SNX8: variants seen among roughly 807,000 people sequenced by gnomAD.
SNX8 encodes sorting nexin 8.
In SNX8, 25 loss-of-function variants were observed where a neutral mutation model predicts 51.6. The observed-to-expected ratio is 0.48, with a 90% CI of 0.35 to 0.68. SNX8 has a LOEUF of 0.68. Ranked by LOEUF, SNX8 falls within the 30% of genes least tolerant of loss-of-function variation. The pLI, the probability that SNX8 is intolerant of heterozygous loss-of-function variation, is 0.00. For synonymous variants in SNX8, 324 were observed against 277.0 expected (o/e 1.17, Z -1.68); for missense variants, 695 against 624.0 (o/e 1.11, Z -1.21).
At chr7:2,300,432 CAG>C (rs1258218112) in intron 1 of SNX8, among the ~76,000 whole-genome samples, 1 of 152,090 alleles carries the variant, frequency 6.6e-6, no homozygotes, top group Non-Finnish European at 1.5e-5. Flanking sequence ...TTTTTGGAGA[CAG>C]AGTCTTGATC....
In SNX8 at chr7:2,253,889, C is replaced by T. The variant is rs1795108862; in HGVS notation, c.*1167G>A. 6.6e-6 allele frequency: 1 copy of T among 152,244 alleles called. No individual in the cohort carries two copies. Among genetic ancestry groups the T allele is most frequent in the African/African-American group, 2.4e-5 (1 of 41,438 alleles). The allele number at this position is 152,244 out of a possible 1,614,324, so 9.4% of individuals were successfully genotyped here. On this transcript the variant is annotated 3_prime_UTR_variant, in exon 11 of 11. Coordinates refer to ENST00000222990, the MANE Select transcript of SNX8 (RefSeq NM_013321.4). ...GAGGGACCTCGGAAACCCTGGAGCC[C>T]GGCGGGCCTCTTCCAGCACCCCTCC...
intron 1 of SNX8, among the ~76,000 whole-genome samples, chr7:2,332,390 C>A (rs983559337): frequency 3.3e-5 from 5 of 151,960 alleles, no homozygotes; most frequent in African/African-American, 1.2e-4. Context: ...ATGATTTTTC[C>A]ACAGATATTT....
intron 1 of SNX8, among the ~76,000 whole-genome samples, chr7:2,336,654 G>A (rs1778836095): frequency 6.6e-6 from 1 of 152,026 alleles, no homozygotes; most frequent in African/African-American, 2.4e-5. Context: ...GTTGCAGTGA[G>A]CCGAGATTGC....
At chr7:2,277,324 G>A (rs1403435169) in intron 2 of SNX8, among the ~76,000 whole-genome samples, 1 of 152,222 alleles carries the variant, frequency 6.6e-6, no homozygotes, top group African/African-American at 2.4e-5. Context: ...CAGGAGGGCC[G>A]TGTTATTAAA....
intron 1 of SNX8, among the ~76,000 whole-genome samples, chr7:2,342,705 A>C (rs907898697): frequency 6.6e-6 from 1 of 152,276 alleles, no homozygotes; most frequent in East Asian, 1.9e-4. Context: ...GTATCACGTA[A>C]GTGGAGATGA....
chr7:2,329,349 TG>T (rs1481680418), intron 1 of SNX8, among the ~76,000 whole-genome samples: 1 of 152,014 alleles, frequency 6.6e-6, no homozygotes, highest in Non-Finnish European at 1.5e-5. Flanking sequence ...GCCTAATGCT[TG>T]GGAACAAGGC....
rs115417562 is a variant in SNX8 at position 2,298,350 on chromosome 7, G to A, written c.94+15978C>T. On this transcript the variant is annotated intron_variant, in intron 1 of 10. Transcript: ENST00000222990. ...CCCAGGCTCTGAACTTTTCTTTTTCGTTTTATTTTTGGTTTGGGTTGTTTT... is the reference window on the plus strand; with the variant it reads ...CCCAGGCTCTGAACTTTTCTTTTTCATTTTATTTTTGGTTTGGGTTGTTTT... Among the ~76,000 whole-genome samples, 104 of 151,994 alleles carry A rather than the reference G, an allele frequency of 6.8e-4. 1 individual carries two copies. The highest frequency in any genetic ancestry group is 2.2e-3 in the African/African-American group (92 of 41,366).
At chr7:2,334,728 G>C (rs1778794335) in intron 1 of SNX8, among the ~76,000 whole-genome samples, 1 of 151,560 alleles carries the variant, frequency 6.6e-6, no homozygotes, top group Admixed American at 6.6e-5. Context: ...CAATTAGCTG[G>C]GTGTGGTGGC....
intron 1 of SNX8, among the ~76,000 whole-genome samples, chr7:2,294,677 A>C (rs1459446990): frequency 1.3e-5 from 2 of 152,122 alleles, no homozygotes; most frequent in African/African-American, 4.8e-5. Flanking sequence ...CAGGAGCTGG[A>C]GCCGCAGGTC....
At chr7:2,271,478 G>C (rs569904041) in intron 4 of SNX8, among the ~76,000 whole-genome samples, 1 of 152,184 alleles carries the variant, frequency 6.6e-6, no homozygotes, top group Admixed American at 6.5e-5. Context: ...CTGACAAGGA[G>C]GCTCAGCCTG....
chr7:2,304,350 C>T (rs527645465), intron 1 of SNX8, among the ~76,000 whole-genome samples: 1 of 151,080 alleles, frequency 6.6e-6, no homozygotes, highest in Non-Finnish European at 1.5e-5. Context: ...AGAGACCATC[C>T]TGGCTAACAG....
chr7:2,333,583 C>T (rs1258973689), intron 1 of SNX8, among the ~76,000 whole-genome samples: 1 of 152,014 alleles, frequency 6.6e-6, no homozygotes, highest in African/African-American at 2.4e-5. Context: ...GTACATAAAG[C>T]AGCAGCAATC....
chr7:2,265,558 T>C (rs1795444105), intron 5 of SNX8, among the ~76,000 whole-genome samples: 1 of 151,738 alleles, frequency 6.6e-6, no homozygotes, highest in Admixed American at 6.6e-5. Context: ...GGCAGGAGGA[T>C]CACTTGAGCC....
At chr7:2,328,240 CAG>C (rs1051171386) in intron 1 of SNX8, among the ~76,000 whole-genome samples, 2 of 152,008 alleles carry the variant, frequency 1.3e-5, no homozygotes, top group Admixed American at 6.6e-5. Context: ...TTAGTAGAGA[CAG>C]GGGTTTCTCC....
At chr7:2,318,604 G>A (rs915403126), upstream of SNX8, among the ~76,000 whole-genome samples, 2 of 151,782 alleles carry the variant, frequency 1.3e-5, no homozygotes, top group African/African-American at 4.8e-5. Flanking sequence ...GCTGAGGCAG[G>A]AGATTGCTTG....
At chr7:2,267,696 C>A (rs1378500603) in intron 5 of SNX8, among the ~76,000 whole-genome samples, 4 of 149,552 alleles carry the variant, frequency 2.7e-5, no homozygotes, top group Non-Finnish European at 4.5e-5. Flanking sequence ...CCTTGGCCTC[C>A]CAAAGTGCCG....
chr7:2,261,778 C>T (rs1795342548), intron 7 of SNX8, among the ~76,000 whole-genome samples: 1 of 152,208 alleles, frequency 6.6e-6, no homozygotes, highest in Non-Finnish European at 1.5e-5. Flanking sequence ...CTTTCCACAC[C>T]AGCAAAGACA....
At chr7:2,304,355 T>C (rs1192663890) in intron 1 of SNX8, among the ~76,000 whole-genome samples, 4 of 150,560 alleles carry the variant, frequency 2.7e-5, no homozygotes, top group Admixed American at 1.3e-4. Flanking sequence ...CCATCCTGGC[T>C]AACAGGGTGA....
intron 1 of SNX8, among the ~76,000 whole-genome samples, chr7:2,305,862 C>G (rs1040631795): frequency 3.3e-5 from 5 of 151,934 alleles, no homozygotes; most frequent in African/African-American, 1.2e-4. Flanking sequence ...AGGAGAACTG[C>G]TTGAGCCCAG....
Sources: gnomAD v4.1 joint callset for allele counts (sites outside exome capture counted in the v4.1 genomes callset) on GRCh38, gnomAD v4.1.1 for gene constraint, MANE v1.5 for transcripts, NCBI Gene and HGNC (gene_info 2026-07-23, HGNC 2026-07-21) for gene names.